The following CFAP54 variants were observed in gnomAD, a reference collection of about 807,000 sequenced individuals.
The protein encoded by CFAP54 is cilia and flagella associated protein 54, also known as cilia- and flagella-associated protein 54.
Under a neutral mutation model 370.4 loss-of-function variants are expected in CFAP54, and 290 were observed. The ratio of observed to expected loss-of-function variants is 0.78; its 90% CI spans 0.71 to 0.86. CFAP54 has a LOEUF of 0.86. Among genes scored for constraint, CFAP54 ranks in the 40% least tolerant of loss-of-function variants. The probability of loss-of-function intolerance (pLI) is 0.00; values close to 1 mark genes in which losing one functional copy is unlikely to be tolerated. For synonymous variants in CFAP54, 1,206 were observed against 1,236.5 expected (o/e 0.98, Z 0.52); for missense variants, 3,399 against 3,528.7 (o/e 0.96, Z 0.93).
intron 66 of CFAP54, among the ~76,000 whole-genome samples, chr12:96,849,608 A>G (rs1959477066): frequency 6.6e-6 from 1 of 152,238 alleles, no homozygotes; most frequent in African/African-American, 2.4e-5. Context: ...TAAAATCTTT[A>G]TTATGATAGA....
At chr12:96,840,130 A>G (rs1198936603) in intron 66 of CFAP54, among the ~76,000 whole-genome samples, 1 of 152,226 alleles carries the variant, frequency 6.6e-6, no homozygotes, top group Non-Finnish European at 1.5e-5. Context: ...TTTGGGGAAA[A>G]TGCCATCTAC....
rs1302186748 is a variant in CFAP54, at chr12:96,676,023, C to CCCAGGCAT, written c.5564-3577_5564-3576insCCAGGCAT. The stretch of plus-strand genomic sequence containing the variant: ...TAGTGGGTGCAGCACACCACCATGG[C>CCCAGGCAT]ACATGTATACATATGTAACAAACCT... On this transcript the variant is annotated intron_variant, in intron 39 of 67. Transcript: ENST00000524981. Among the ~76,000 whole-genome samples the CCCAGGCAT allele has an allele frequency of 2.6e-5, 4 of 152,074 alleles. No homozygotes were observed. The East Asian group carries it at 7.7e-4, about 29-fold the overall frequency.
At chr12:96,594,012 AAAAT>A (rs1956150934) in intron 24 of CFAP54, among the ~76,000 whole-genome samples, 1 of 152,124 alleles carries the variant, frequency 6.6e-6, no homozygotes, top group African/African-American at 2.4e-5. Flanking sequence ...TTTAAACATA[AAAAT>A]ATAGCCAAGT....
intron 60 of CFAP54, among the ~76,000 whole-genome samples, chr12:96,781,982 A>G (rs1958585052): frequency 6.6e-6 from 1 of 152,138 alleles, no homozygotes; most frequent in Non-Finnish European, 1.5e-5. Flanking sequence ...TAAGCAGCAT[A>G]TTAAAAGATA....
At chr12:96,874,700 GCTCACTGCAAGCTCC>G (rs1308649120) in intron 67 of CFAP54, among the ~76,000 whole-genome samples, 2 of 131,840 alleles carry the variant, frequency 1.5e-5, no homozygotes, top group Non-Finnish European at 1.5e-5. Context: ...CGCGATCTCG[GCTCACTGCAAGCTCC>G]GCCTCCCGGG....
chr12:96,601,399 A>T lies in CFAP54; in HGVS notation c.3639+2632A>T, dbSNP rs144448827. On this transcript the variant is annotated intron_variant, in intron 26 of 67. Transcript: ENST00000524981. Reference sequence around the variant, plus strand: ...ATTTTCACATCGATGTTCATCAGGGATAATGGCCTGAAATTCTCTTTTTTG... The same window carrying T: ...ATTTTCACATCGATGTTCATCAGGGTTAATGGCCTGAAATTCTCTTTTTTG... 7.2e-3 allele frequency among the ~76,000 whole-genome samples: 1,094 copies of T among 152,336 alleles called. 7 individuals carry two copies. Among genetic ancestry groups the T allele is most frequent in the Middle Eastern group, 0.024 (7 of 294 alleles).
chr12:96,832,585 C>A lies in CFAP54; in HGVS notation c.9171+3497C>A, dbSNP rs138402186. The stretch of plus-strand genomic sequence containing the variant: ...GAAATATTAGCTATATAATAATAAT[C>A]ATCATCATTATTATCATCATCCCCA... On this transcript the variant is annotated intron_variant, in intron 66 of 67. Coordinates refer to ENST00000524981, the MANE Select transcript of CFAP54 (RefSeq NM_001306084.2). 3.3e-3 allele frequency among the ~76,000 whole-genome samples: 503 copies of A among 152,142 alleles called. 5 individuals are homozygous for A. Among genetic ancestry groups the A allele is most frequent in the Non-Finnish European group, 4.7e-3 (318 of 67,996 alleles).
At position 96,519,002 on chromosome 12, in the gene CFAP54, A is replaced by G; in HGVS notation, c.873A>G (p.Thr291=). ...LVPLLSLRYL[T]WRATLYTAVC... ...CGCTCCTGTCACTCAGGTACTTGACATGGCGCGCTACTCTCTACACAGCTG... is the reference window on the plus strand; with the variant it reads ...CGCTCCTGTCACTCAGGTACTTGACGTGGCGCGCTACTCTCTACACAGCTG... The change falls in exon 6 of 68, where the codon ACA becomes ACG. Residue 291 remains threonine (T), a synonymous_variant. Coordinates refer to ENST00000524981, the MANE Select transcript of CFAP54 (RefSeq NM_001306084.2). 6.5e-7 allele frequency: 1 copy of G among 1,535,852 alleles called. No homozygotes were observed. The highest frequency in any genetic ancestry group is 1.7e-4 in the Middle Eastern group (1 of 5,976).
intron 65 of CFAP54, among the ~76,000 whole-genome samples, chr12:96,825,811 T>A (rs1959093762): frequency 7.7e-6 from 1 of 130,672 alleles, no homozygotes; most frequent in Admixed American, 8.4e-5. Flanking sequence ...CATATTATAA[T>A]ATATAAATAT....
chr12:96,639,246 T>C (rs1043717773), intron 32 of CFAP54, among the ~76,000 whole-genome samples: 1 of 152,062 alleles, frequency 6.6e-6, no homozygotes, highest in Non-Finnish European at 1.5e-5. Context: ...ATAAAGGGGA[T>C]ATCACCACCG....
chr12:96,867,573 C>T (rs1272527704), intron 67 of CFAP54, among the ~76,000 whole-genome samples: 3 of 152,102 alleles, frequency 2.0e-5, no homozygotes, highest in Non-Finnish European at 1.5e-5. Context: ...AAATATTATT[C>T]CGCCTTAAAA....
At chr12:96,863,600 C>A (rs1363586365) in intron 67 of CFAP54, among the ~76,000 whole-genome samples, 2 of 152,132 alleles carry the variant, frequency 1.3e-5, no homozygotes, top group Non-Finnish European at 2.9e-5. Context: ...GAGAGGAAGA[C>A]ATAGTTGAGG....
In CFAP54 at chr12:96,538,385, A is replaced by T. The variant is rs918955045; in HGVS notation, c.1793A>T (p.Asp598Val). 3.3e-6 allele frequency: 5 copies of T among 1,533,162 alleles called. No individual in the cohort carries two copies. The African/African-American group carries it at 6.9e-5, about 21-fold the overall frequency. 95.0% of individuals were successfully genotyped at this position (1,533,162 alleles called of 1,614,324 possible). ...LYVCVCTAPQ[D>V]VQPDKEIVVD... ...TTACCTTCTCACTTTTGTTTTTAGG[A>T]TGTTCAACCTGATAAAGAAATTGTT... Residue 598 changes from aspartate to valine, a missense_variant and splice_region_variant, in exon 13 of 68, where the codon GAT becomes GTT. This residue lies in a region of CFAP54 where 2,796 missense variants were observed against 2,869.7 expected (regional missense o/e 0.97). Coordinates refer to ENST00000524981, the MANE Select transcript of CFAP54 (RefSeq NM_001306084.2).
intron 65 of CFAP54, among the ~76,000 whole-genome samples, chr12:96,828,066 A>G (rs909379182): frequency 9.0e-4 from 117 of 130,070 alleles, no homozygotes; most frequent in African/African-American, 3.0e-3. Context: ...TATTATTAAT[A>G]TATAATTATA....
At chr12:96,597,459 T>C (rs1203097730) in intron 25 of CFAP54, among the ~76,000 whole-genome samples, 1 of 151,940 alleles carries the variant, frequency 6.6e-6, no homozygotes, top group Non-Finnish European at 1.5e-5. Context: ...TGTAAAAGGG[T>C]ATTTACTGTG....
intron 33 of CFAP54, chr12:96,646,543 G>A (rs1592904976): frequency 6.6e-6 from 1 of 152,198 alleles, no homozygotes; most frequent in South Asian, 2.1e-4. Context: ...AGTCAGTGTG[G>A]CGATTCCTCA....
chr12:96,865,383 G>A (rs948315937), intron 67 of CFAP54, among the ~76,000 whole-genome samples: 1 of 152,140 alleles, frequency 6.6e-6, no homozygotes, highest in Non-Finnish European at 1.5e-5. Flanking sequence ...CAGGATATAT[G>A]TAAGAAGATA....
intron 26 of CFAP54, among the ~76,000 whole-genome samples, chr12:96,614,914 T>C (rs1292943308): frequency 6.6e-6 from 1 of 152,098 alleles, no homozygotes; most frequent in Non-Finnish European, 1.5e-5. Context: ...AGAATCAATA[T>C]TGTGAAAATG....
intron 32 of CFAP54, among the ~76,000 whole-genome samples, chr12:96,631,431 T>A (rs560415540): frequency 5.2e-4 from 79 of 151,784 alleles, no homozygotes; most frequent in Admixed American, 2.0e-3. Context: ...CATATGTATG[T>A]AGCCCCAAAT....
Sources: allele counts gnomAD v4.1 joint callset (sites outside exome capture counted in the v4.1 genomes callset), GRCh38; gene constraint gnomAD v4.1.1; regional missense constraint gnomAD v4.1.1; transcripts MANE v1.5; gene names NCBI Gene and HGNC (gene_info 2026-07-23, HGNC 2026-07-21).